Variants in KLHL18 observed in about 807,000 individuals in gnomAD.
KLHL18 encodes kelch-like protein 18.
KLHL18 carries 38 observed loss-of-function variants against 58.5 expected under a neutral mutation model. The ratio of observed to expected loss-of-function variants is 0.65; its 90% CI spans 0.50 to 0.85. The LOEUF (loss-of-function observed/expected upper bound fraction) is 0.85. KLHL18 is among the 40% of genes least tolerant of loss of function. KLHL18 has a pLI of 0.00. For missense variants in KLHL18, 624 were observed against 778.4 expected, an observed-to-expected ratio of 0.80 and a Z score of 2.36; for synonymous variants, 303 against 301.9, an observed-to-expected ratio of 1.00 and a Z score of -0.04.
intron 3 of KLHL18, among the ~76,000 whole-genome samples, chr3:47,326,886 AC>A (rs1703736013): frequency 6.7e-6 from 1 of 150,128 alleles, no homozygotes; most frequent in Non-Finnish European, 1.5e-5. Flanking sequence ...GTGCCATTGC[AC>A]TCCAGCCTGG....
intron 1 of KLHL18, among the ~76,000 whole-genome samples, chr3:47,311,403 C>G (rs1703295949): frequency 6.6e-6 from 1 of 151,892 alleles, no homozygotes; most frequent in African/African-American, 2.4e-5. Context: ...TTTTAAAAAC[C>G]AAGTATAGGC....
chr3:47,312,264 A>T (rs1703319953), intron 1 of KLHL18, among the ~76,000 whole-genome samples: 1 of 152,174 alleles, frequency 6.6e-6, no homozygotes, highest in Non-Finnish European at 1.5e-5. Flanking sequence ...TGTTTTGTGT[A>T]TACCATAGAT....
chr3:47,338,087 A>C (rs1704026092), intron 7 of KLHL18: 1 of 151,988 alleles, frequency 6.6e-6, no homozygotes, highest in Non-Finnish European at 1.5e-5. Flanking sequence ...GTTCCTAGTC[A>C]CTTCTCTTCT....
intron 6 of KLHL18, among the ~76,000 whole-genome samples, chr3:47,335,886 A>AAT (rs1703972851): frequency 6.6e-6 from 1 of 152,152 alleles, no homozygotes; most frequent in Non-Finnish European, 1.5e-5. Flanking sequence ...GGAACAGGTA[A>AAT]ATCCTCAACT....
chr3:47,292,423 G>A (rs1288068690), intron 1 of KLHL18, among the ~76,000 whole-genome samples: 3 of 151,288 alleles, frequency 2.0e-5, no homozygotes, highest in Non-Finnish European at 4.4e-5. Flanking sequence ...GCAGTGAGCC[G>A]AGATCGTGCC....
intron 1 of KLHL18, among the ~76,000 whole-genome samples, chr3:47,318,804 C>T (rs1384990530): frequency 2.0e-5 from 3 of 152,104 alleles, no homozygotes; most frequent in South Asian, 2.1e-4. Flanking sequence ...CGGTGGCTCA[C>T]GCCTGTTTAA....
At chr3:47,339,188 T>C (rs753462199) in intron 7 of KLHL18, among the ~76,000 whole-genome samples, 8 of 152,106 alleles carry the variant, frequency 5.3e-5, no homozygotes, top group Non-Finnish European at 7.4e-5. Flanking sequence ...TTGCAGGGTG[T>C]GCTAAGGGCT....
At chr3:47,291,791 G>A (rs1156993146) in intron 1 of KLHL18, among the ~76,000 whole-genome samples, 1 of 152,154 alleles carries the variant, frequency 6.6e-6, no homozygotes, top group Non-Finnish European at 1.5e-5. Flanking sequence ...CAAATGAACC[G>A]GAAGTGAAAA....
intron 3 of KLHL18, among the ~76,000 whole-genome samples, chr3:47,324,324 T>TTTTTTTTTTTTC (rs71098477): frequency 7.4e-6 from 1 of 135,370 alleles, no homozygotes; most frequent in African/African-American, 2.8e-5. Context: ...TTTTTTTTTT[T>TTTTTTTTTTTTC]CTGTAAGGTA....
intron 4 of KLHL18, among the ~76,000 whole-genome samples, chr3:47,332,866 AG>A (rs1344380154): frequency 6.6e-6 from 1 of 152,140 alleles, no homozygotes; most frequent in Non-Finnish European, 1.5e-5. Context: ...TAGAGGGAGC[AG>A]GGGTACAGGA....
intron 1 of KLHL18, among the ~76,000 whole-genome samples, chr3:47,306,084 C>T (rs1265827435): frequency 6.6e-6 from 1 of 151,412 alleles, no homozygotes; most frequent in Non-Finnish European, 1.5e-5. Context: ...AATTTCCTTC[C>T]TTCTGCTTGC....
intron 1 of KLHL18, among the ~76,000 whole-genome samples, chr3:47,284,337 CTTTTTTT>C (rs767276527): frequency 1.3e-4 from 16 of 127,138 alleles, no homozygotes; most frequent in Admixed American, 5.3e-4. Flanking sequence ...TTTCTTTTTT[CTTTTTTT>C]TTTTTTTTTT....
intron 1 of KLHL18, among the ~76,000 whole-genome samples, chr3:47,316,399 G>A (rs531257695): frequency 2.0e-4 from 30 of 150,838 alleles, no homozygotes; most frequent in South Asian, 1.0e-3. Flanking sequence ...GAGGTGGGAG[G>A]ATTGCTTGAA....
In KLHL18 at chr3:47,343,712, C is replaced by G. The variant is rs1301946044; in HGVS notation, c.1496C>G (p.Ser499Cys). 1.2e-6 allele frequency: 2 copies of G among 1,614,202 alleles called. No homozygotes were observed. The highest frequency in any genetic ancestry group is 1.7e-5 in the Admixed American group (1 of 60,032). Residue 499 changes from serine (S) to cysteine (C), a missense_variant, in exon 10 of 10, where the codon TCT (serine) becomes TGT (cysteine). Ser to Cys is a moderately radical substitution (Grantham distance 112, BLOSUM62 -1). Coordinates refer to ENST00000232766, the MANE Select transcript of KLHL18 (RefSeq NM_025010.5). ...CTCAGCATTGCCGAGATGTACAGCT[C>G]TGTGGCAGACCAGTGGTGCCTGATT... ...GFLSIAEMYSSVADQWCLIVP... is the reference protein window; with the variant it reads ...GFLSIAEMYSCVADQWCLIVP...
chr3:47,330,811 A>G (rs906841449), intron 4 of KLHL18, among the ~76,000 whole-genome samples: 3 of 151,804 alleles, frequency 2.0e-5, no homozygotes, highest in Non-Finnish European at 2.9e-5. Context: ...GCTCACTGCA[A>G]CCTCCATCTC....
intron 4 of KLHL18, among the ~76,000 whole-genome samples, chr3:47,332,142 G>T (rs183632689): frequency 6.6e-6 from 1 of 152,154 alleles, no homozygotes; most frequent in Admixed American, 6.5e-5. Flanking sequence ...TTGAGCTCAG[G>T]AGTTTGAGAC....
rs534738883 is a variant in KLHL18, at chr3:47,333,432, G to A, written c.761+115G>A. The A allele has an allele frequency of 2.0e-3, 2,070 of 1,037,312 alleles. 3 individuals carry two copies. The highest frequency in any genetic ancestry group is 5.2e-3 in the Middle Eastern group (17 of 3,266). The allele number at this position is 1,037,312 out of a possible 1,614,324, so 64.3% of individuals were successfully genotyped here. Reference sequence around the variant, plus strand: ...ATTTAGAGTGATCAGTCTAATTCATGGCACACAGATTGGTCTGCCCTCTGT... The same window carrying A: ...ATTTAGAGTGATCAGTCTAATTCATAGCACACAGATTGGTCTGCCCTCTGT... On this transcript the variant is annotated intron_variant, in intron 5 of 9. Coordinates refer to ENST00000232766, the MANE Select transcript of KLHL18 (RefSeq NM_025010.5).
chr3:47,343,383 C>T (rs533618059), intron 9 of KLHL18, among the ~76,000 whole-genome samples, 172 bp from the exon 10 acceptor site: 5 of 152,184 alleles, frequency 3.3e-5, no homozygotes, highest in Non-Finnish European at 5.9e-5. Context: ...CTCCCTGTCC[C>T]CATACACCAA....
At chr3:47,308,099 G>C (rs1437158594) in intron 1 of KLHL18, among the ~76,000 whole-genome samples, 1 of 152,074 alleles carries the variant, frequency 6.6e-6, no homozygotes. Flanking sequence ...ATCAATAAAA[G>C]TATGGATTAC....
Sources: allele counts gnomAD v4.1 joint callset (sites outside exome capture counted in the v4.1 genomes callset), GRCh38; gene constraint gnomAD v4.1.1; transcripts MANE v1.5; gene names NCBI Gene and HGNC (gene_info 2026-07-23, HGNC 2026-07-21).